EXT1: variants seen among roughly 807,000 people sequenced by gnomAD.
EXT1 encodes the protein exostosin-1.
Under a neutral mutation model 82.5 loss-of-function variants are expected in EXT1, and 20 were observed. That is an observed-to-expected ratio of 0.24 (90% CI 0.17 to 0.35). EXT1 has a LOEUF of 0.35. EXT1 is among the 10% of genes least tolerant of loss of function. The pLI, the probability that EXT1 is intolerant of heterozygous loss-of-function variation, is 1.00. For missense variants in EXT1, 757 were observed against 936.5 expected (o/e 0.81, Z 2.50); for synonymous variants, 348 against 350.8 (o/e 0.99, Z 0.09).
At position 117,804,824 on chromosome 8, in the gene EXT1, A is replaced by G. The variant is rs1586989190; in HGVS notation, c.1953T>C (p.Asn651=). The G allele has an allele frequency of 6.2e-7, 1 of 1,614,102 alleles. No individual in the cohort carries two copies. The highest frequency in any genetic ancestry group is 8.5e-7 in the Non-Finnish European group (1 of 1,179,990). The change falls in exon 10 of 11, where the codon AAT becomes AAC. Residue 651 remains asparagine, a synonymous_variant. Coordinates refer to ENST00000378204, the MANE Select transcript of EXT1 (RefSeq NM_000127.3). ...SLKNMVDQLA[N]CEDILMNFLV... ...GGAAGTTCATGAGAATGTCCTCACA[A>G]TTGGCCAATTGGTCCACCATGTTCT...
At chr8:118,051,154 G>C (rs1208801195) in intron 1 of EXT1, among the ~76,000 whole-genome samples, 1 of 152,048 alleles carries the variant, frequency 6.6e-6, no homozygotes, top group African/African-American at 2.4e-5. Context: ...TGGCCAACAT[G>C]GCAAAACTCC....
chr8:117,847,180 G>A (rs112598756), intron 1 of EXT1, among the ~76,000 whole-genome samples: 32 of 152,266 alleles, frequency 2.1e-4, no homozygotes, highest in South Asian at 2.1e-3. Flanking sequence ...GTGTACAGGG[G>A]CTATGGAAGC....
chr8:118,051,970 G>C (rs150906849), intron 1 of EXT1, among the ~76,000 whole-genome samples: 60 of 152,250 alleles, frequency 3.9e-4, no homozygotes, highest in African/African-American at 1.3e-3. Flanking sequence ...AGTAAAAGTC[G>C]GCAAGGGTGT....
intron 1 of EXT1, among the ~76,000 whole-genome samples, chr8:118,072,968 C>T (rs11562813): frequency 0.055 from 8,344 of 152,202 alleles, 739 homozygotes; most frequent in African/African-American, 0.19. Context: ...ACACGAGGAG[C>T]ACGATTACCA....
At chr8:117,815,321 A>T (rs1168661656) in intron 7 of EXT1, among the ~76,000 whole-genome samples, 1 of 152,206 alleles carries the variant, frequency 6.6e-6, no homozygotes, top group Non-Finnish European at 1.5e-5. Flanking sequence ...TAGAGATTTT[A>T]AAATGGAGAA....
At chr8:117,992,139 G>C (rs1815447150) in intron 1 of EXT1, among the ~76,000 whole-genome samples, 1 of 152,002 alleles carries the variant, frequency 6.6e-6, no homozygotes, top group Admixed American at 6.5e-5. Flanking sequence ...TGCCCACAGG[G>C]GCTCCTCCTT....
intron 1 of EXT1, among the ~76,000 whole-genome samples, chr8:118,074,458 T>G (rs1409823378): frequency 6.6e-6 from 1 of 151,868 alleles, no homozygotes; most frequent in Non-Finnish European, 1.5e-5. Flanking sequence ...TGAGCTGTGG[T>G]GCAGGCAGAG....
At chr8:118,004,142 C>T (rs557043738) in intron 1 of EXT1, among the ~76,000 whole-genome samples, 1 of 152,298 alleles carries the variant, frequency 6.6e-6, no homozygotes. Context: ...CTACAATAAT[C>T]GTCAAGTGAA....
intron 1 of EXT1, among the ~76,000 whole-genome samples, chr8:118,080,998 T>C (rs996162230): frequency 6.6e-6 from 1 of 152,164 alleles, no homozygotes; most frequent in Non-Finnish European, 1.5e-5. Flanking sequence ...ATTCAATGGA[T>C]AATAAAACTA....
intron 1 of EXT1, among the ~76,000 whole-genome samples, chr8:118,013,363 T>C (rs13261684): frequency 0.42 from 64,492 of 151,958 alleles, 15,178 homozygotes; most frequent in African/African-American, 0.63. Context: ...AGCCCGTCAC[T>C]GCGCCCAACT....
chr8:118,098,713 C>T (rs1435261996), intron 1 of EXT1, among the ~76,000 whole-genome samples: 1 of 149,318 alleles, frequency 6.7e-6, no homozygotes, highest in Admixed American at 6.7e-5. Flanking sequence ...GAGCCGAGTT[C>T]GCACCACTGC....
chr8:118,091,676 C>A (rs1299369553), intron 1 of EXT1, among the ~76,000 whole-genome samples: 2 of 152,192 alleles, frequency 1.3e-5, no homozygotes, highest in East Asian at 3.9e-4. Flanking sequence ...ACCTGGGAAG[C>A]GGAGCTTGCA....
chr8:117,892,712 C>A (rs1443730870), intron 1 of EXT1, among the ~76,000 whole-genome samples: 1 of 152,128 alleles, frequency 6.6e-6, no homozygotes. Flanking sequence ...TTGCCATGGT[C>A]CGGTGAGAGG....
chr8:118,051,261 C>T (rs1816712680), intron 1 of EXT1, among the ~76,000 whole-genome samples: 1 of 152,034 alleles, frequency 6.6e-6, no homozygotes, highest in South Asian at 2.1e-4. Flanking sequence ...ATCACTGGAG[C>T]TCGGAGGTCG....
chr8:117,969,599 G>A (rs1814897157), intron 1 of EXT1, among the ~76,000 whole-genome samples: 2 of 152,256 alleles, frequency 1.3e-5, no homozygotes, highest in African/African-American at 2.4e-5. Flanking sequence ...TGAAAAATCC[G>A]TGAAAATCCT....
intron 1 of EXT1, among the ~76,000 whole-genome samples, chr8:117,845,919 G>T (rs1204669689): frequency 6.6e-6 from 1 of 152,164 alleles, no homozygotes; most frequent in Non-Finnish European, 1.5e-5. Flanking sequence ...AAGTGTCACA[G>T]GTTTTGTTCG....
At chr8:117,946,379 G>C (rs904078528) in intron 1 of EXT1, among the ~76,000 whole-genome samples, 1 of 151,816 alleles carries the variant, frequency 6.6e-6, no homozygotes, top group Non-Finnish European at 1.5e-5. Context: ...TTATGTCAAC[G>C]CTCTGAGGGA....
intron 1 of EXT1, among the ~76,000 whole-genome samples, chr8:118,086,716 A>C (rs950187809): frequency 1.3e-4 from 20 of 152,196 alleles, no homozygotes; most frequent in African/African-American, 4.8e-4. Context: ...GTATAATTTC[A>C]ATGCAAAAAG....
chr8:117,937,666 T>G (rs1563606877), intron 1 of EXT1, among the ~76,000 whole-genome samples: 2 of 152,244 alleles, frequency 1.3e-5, no homozygotes, highest in African/African-American at 2.4e-5. Flanking sequence ...TTCCCCTGTA[T>G]GCAACGCGTT....
Sources: gnomAD v4.1 joint callset for allele counts (sites outside exome capture counted in the v4.1 genomes callset) on GRCh38, gnomAD v4.1.1 for gene constraint, MANE v1.5 for transcripts, NCBI Gene and HGNC (gene_info 2026-07-23, HGNC 2026-07-21) for gene names.